SIAH1: variants seen among roughly 807,000 people sequenced by gnomAD.
SIAH1 encodes the protein siah E3 ubiquitin protein ligase 1, also known as E3 ubiquitin-protein ligase SIAH1.
A neutral mutation model predicts 20.0 loss-of-function variants in SIAH1; 2 were observed. That is an observed-to-expected ratio of 0.10 (90% CI 0.04 to 0.31). The LOEUF is 0.31. Ranked by LOEUF, SIAH1 falls within the 10% of genes least tolerant of loss-of-function variation. The pLI, the probability that SIAH1 is intolerant of heterozygous loss-of-function variation, is 1.00. For missense variants in SIAH1, 119 were observed against 355.3 expected (o/e 0.33, Z 5.35); for synonymous variants, 118 against 125.3 (o/e 0.94, Z 0.39).
Position 48,360,586 on chromosome 16 carries a change from TTTTTGCAAACTGCC to T in SIAH1, c.*980_*993del, listed in dbSNP as rs1211848403. 6.6e-6 allele frequency: 1 copy of T among 152,610 alleles called. No individual in the cohort carries two copies. Among genetic ancestry groups the T allele is most frequent in the African/African-American group, 2.4e-5 (1 of 41,438 alleles). 9.5% of individuals were successfully genotyped at this position (152,610 alleles called of 1,614,324 possible). On this transcript the variant is annotated 3_prime_UTR_variant, in exon 2 of 2. Transcript: ENST00000394725. ...GAGAATTATAAAAGACCAAAAACAT[TTTTTGCAAACTGCC>T]TTTTTAAACAAATGATTTGCTTTTA...
chr16:48,368,696 G>A (rs1013769262), intron 1 of SIAH1, among the ~76,000 whole-genome samples: 4 of 151,984 alleles, frequency 2.6e-5, no homozygotes, highest in Non-Finnish European at 4.4e-5. Flanking sequence ...CCAAGATCGT[G>A]CCACTGCATG....
Position 48,362,727 on chromosome 16 carries a change from T to C in SIAH1, c.-2-297A>G. ...GAATAATAAATGCTAAAATAGAAAA[T>C]GGACCATAAACAACTAAAGAAACTA... On this transcript the variant is annotated intron_variant, in intron 1 of 1. Coordinates refer to ENST00000394725, the MANE Select transcript of SIAH1 (RefSeq NM_003031.4). This position sits in a 1 kb window ranked among gnomAD's most constrained non-coding sequence, Gnocchi z 4.2. 3.6e-6 allele frequency: 1 copy of C among 278,114 alleles called. No homozygotes were observed. Among genetic ancestry groups the C allele is most frequent in the Non-Finnish European group, 7.3e-6 (1 of 137,306 alleles). The allele number at this position is 278,114 out of a possible 1,614,324, so 17.2% of individuals were successfully genotyped here.
At chr16:48,374,568 G>C (rs1961057964) in intron 1 of SIAH1, among the ~76,000 whole-genome samples, 1 of 152,082 alleles carries the variant, frequency 6.6e-6, no homozygotes, top group South Asian at 2.1e-4. Context: ...ACAGAAGACT[G>C]CATCTAGGAG....
At position 48,360,906 on chromosome 16, in the gene SIAH1, A is replaced by G. The variant is rs528945809; in HGVS notation, c.*674T>C. ...ACTTTCTGGAACTCATGGCTTCACA[A>G]AATAGCTGATTTTAAAATATTTCTA... On this transcript the variant is annotated 3_prime_UTR_variant, in exon 2 of 2. Transcript: ENST00000394725. The G allele has an allele frequency of 6.6e-6, 1 of 152,352 alleles. No homozygotes were observed. Among genetic ancestry groups the G allele is most frequent in the Admixed American group, 6.5e-5 (1 of 15,296 alleles). The allele number at this position is 152,352 out of a possible 1,614,324, so 9.4% of individuals were successfully genotyped here. A position where few individuals can be genotyped will look rare whatever the true frequency, so the allele number is the denominator to read the frequency against.
At chr16:48,380,511 A>T (rs1333238590) in intron 1 of SIAH1, among the ~76,000 whole-genome samples, 1 of 152,134 alleles carries the variant, frequency 6.6e-6, no homozygotes, top group Non-Finnish European at 1.5e-5. Flanking sequence ...CAACCTAAAA[A>T]AAAGAGTCAA....
chr16:48,365,449 AG>A (rs769446669), intron 1 of SIAH1: 1 of 1,613,922 alleles, frequency 6.2e-7, no homozygotes, highest in East Asian at 2.2e-5. Flanking sequence ...CCAGGAGTAC[AG>A]AGAAGGTGGA....
At chr16:48,365,974 G>T in intron 1 of SIAH1, 1 of 1,104,184 alleles carries the variant, frequency 9.1e-7, no homozygotes, top group Non-Finnish European at 1.1e-6. Context: ...CGGGGCGCCA[G>T]GGCCAGTTCA....
chr16:48,379,347 T>TA (rs1397989289), intron 1 of SIAH1, among the ~76,000 whole-genome samples: 2 of 152,074 alleles, frequency 1.3e-5, no homozygotes, highest in Non-Finnish European at 2.9e-5. Context: ...GTAGCACAAA[T>TA]AGACATTTCA....
At chr16:48,369,484 A>G (rs1960928947) in intron 1 of SIAH1, among the ~76,000 whole-genome samples, 3 of 152,342 alleles carry the variant, frequency 2.0e-5, no homozygotes, top group Middle Eastern at 3.4e-3. Flanking sequence ...CATACCTGTA[A>G]TCCCAGCACT....
In SIAH1 at chr16:48,385,266, CCGCCACCGCGGGCAG is replaced by C. The variant is rs1221204056; in HGVS notation, c.-80_-66del. On this transcript the variant is annotated 5_prime_UTR_variant, in exon 1 of 2. Coordinates refer to ENST00000394725, the MANE Select transcript of SIAH1 (RefSeq NM_003031.4). ...CACCAACGCGCTCCGTCGCCAACCC[CCGCCACCGCGGGCAG>C]CGCCACCGCCTCTTCCCGGCGCCGA... The C allele has an allele frequency of 1.6e-5, 5 of 316,824 alleles. No homozygotes were observed. Among genetic ancestry groups the C allele is most frequent in the African/African-American group, 4.5e-5 (2 of 44,814 alleles). 19.6% of individuals were successfully genotyped at this position (316,824 alleles called of 1,614,324 possible). A position where few individuals can be genotyped will look rare whatever the true frequency, so the allele number is the denominator to read the frequency against.
At chr16:48,383,226 GAA>G (rs921725721) in intron 1 of SIAH1, among the ~76,000 whole-genome samples, 3 of 149,622 alleles carry the variant, frequency 2.0e-5, no homozygotes, top group African/African-American at 7.4e-5. Flanking sequence ...TGCCAATAAC[GAA>G]AAAAAAACTG....
At position 48,362,660 on chromosome 16, in the gene SIAH1, A is replaced by C; in HGVS notation, c.-2-230T>G. ...GCTCTCTTTTCAAAATGTTCCGGAA[A>C]ACATGTGGAACTCCCTTAATCGTCT... On this transcript the variant is annotated intron_variant, in intron 1 of 1. Transcript: ENST00000394725. The surrounding 1 kb of genome is among the most constrained non-coding windows in gnomAD (Gnocchi z 4.2). 2.0e-6 allele frequency: 1 copy of C among 492,352 alleles called. No homozygotes were observed. The highest frequency in any genetic ancestry group is 2.5e-5 in the South Asian group (1 of 40,598). The allele number at this position is 492,352 out of a possible 1,614,324, so 30.5% of individuals were successfully genotyped here.
At chr16:48,381,894 T>A (rs1440405537) in intron 1 of SIAH1, among the ~76,000 whole-genome samples, 4 of 152,134 alleles carry the variant, frequency 2.6e-5, no homozygotes, top group Non-Finnish European at 4.4e-5. Context: ...GTTCCTCAAT[T>A]GTAACAAACG....
Position 48,361,708 on chromosome 16 carries a change from G to C in SIAH1, c.721C>G (p.Arg241Gly). The change falls in exon 2 of 2, where the codon CGA (arginine) becomes GGA (glycine). Residue 241 changes from arginine (R) to glycine (G), a missense_variant. This residue lies in a region of SIAH1 where 84 missense variants were observed against 307.8 expected (regional missense o/e 0.27). Transcript: ENST00000394725. The part of the protein sequence containing the change: ...RRRLTWEATP[R>G]SIHEGIATAI... ...GTTGCAATTCCTTCATGAATAGATC[G>C]AGGAGTCGCTTCCCAAGTCAATCGT... 6.2e-7 allele frequency: 1 copy of C among 1,614,112 alleles called. No individual in the cohort carries two copies. Among genetic ancestry groups the C allele is most frequent in the Non-Finnish European group, 8.5e-7 (1 of 1,179,994 alleles).
rs561470555 is a variant in SIAH1 at position 48,366,574 on chromosome 16, CTTG to C, written c.-2-4147_-2-4145del. ...AATGGCCTCATTAAACGCAGAGTAG[CTTG>C]TTTTGTTTTTAAACAAGCACTACCC... On this transcript the variant is annotated intron_variant, in intron 1 of 1. Transcript: ENST00000394725. Among the ~76,000 whole-genome samples, 177 of 152,340 alleles carry C rather than the reference CTTG, an allele frequency of 1.2e-3. 1 individual carries two copies. The highest frequency in any genetic ancestry group is 4.2e-3 in the African/African-American group (173 of 41,578).
chr16:48,367,773 T>G (rs768022217), intron 1 of SIAH1, among the ~76,000 whole-genome samples: 5 of 149,978 alleles, frequency 3.3e-5, no homozygotes, highest in Non-Finnish European at 5.9e-5. Flanking sequence ...CTCAACTAGG[T>G]AGAATATTTA....
chr16:48,368,351 A>G (rs1960894018), intron 1 of SIAH1, among the ~76,000 whole-genome samples: 1 of 152,222 alleles, frequency 6.6e-6, no homozygotes, highest in South Asian at 2.1e-4. Flanking sequence ...AAAACAGTCA[A>G]AATGAGCAAA....
At chr16:48,378,792 G>C (rs957270367) in intron 1 of SIAH1, among the ~76,000 whole-genome samples, 1 of 152,060 alleles carries the variant, frequency 6.6e-6, no homozygotes, top group East Asian at 1.9e-4. Context: ...TCAGGTCCTA[G>C]AGCAGTCCAA....
intron 1 of SIAH1, among the ~76,000 whole-genome samples, chr16:48,379,748 G>A (rs1329051607): frequency 6.6e-6 from 1 of 152,202 alleles, no homozygotes; most frequent in Admixed American, 6.5e-5. Flanking sequence ...ACACAGAGAT[G>A]ACATCCAATT....
Sources: gnomAD v4.1 joint callset for allele counts (sites outside exome capture counted in the v4.1 genomes callset) on GRCh38, gnomAD v4.1.1 for gene constraint, gnomAD v4.1.1 regional missense constraint, Gnocchi (gnomAD v3.1) non-coding constraint, MANE v1.5 for transcripts, NCBI Gene and HGNC (gene_info 2026-07-23, HGNC 2026-07-21) for gene names.